Variants in ABCG2 observed in about 807,000 individuals in gnomAD.
ABCG2 encodes broad substrate specificity ATP-binding cassette transporter ABCG2.
A neutral mutation model predicts 73.5 loss-of-function variants in ABCG2; 80 were observed. That is an observed-to-expected ratio of 1.09 (90% confidence interval 0.91 to 1.31). The LOEUF (loss-of-function observed/expected upper bound fraction) is 1.31, where lower values mean the gene tolerates loss of function less well. ABCG2 is among the 50% of genes most tolerant of loss of function. The pLI is 0.00. For missense variants in ABCG2, 796 were observed against 786.2 expected, an observed-to-expected ratio of 1.01 and a Z score of -0.15; for synonymous variants, 269 against 282.4, an observed-to-expected ratio of 0.95 and a Z score of 0.48.
chr4:88,168,540 T>A (rs1727630638), intron 1 of ABCG2, among the ~76,000 whole-genome samples: 1 of 151,718 alleles, frequency 6.6e-6, no homozygotes, highest in Non-Finnish European at 1.5e-5. Flanking sequence ...AAAGTTCACT[T>A]CTAAAAATTA....
At chr4:88,140,118 A>G in intron 1 of ABCG2, 104 bp from the exon 2 acceptor site, 1 of 925,148 alleles carries the variant, frequency 1.1e-6, no homozygotes. Flanking sequence ...ATGTGCGGCA[A>G]TGAGCAGCTT....
chr4:88,101,148 G>A, intron 11 of ABCG2, 82 bp downstream of exon 11: 1 of 1,167,862 alleles, frequency 8.6e-7, no homozygotes, highest in Non-Finnish European at 1.3e-6. Flanking sequence ...TCCCATCCTT[G>A]GCCCCAACCC....
chr4:88,153,006 A>C (rs1560719585), intron 1 of ABCG2, among the ~76,000 whole-genome samples: 2 of 152,174 alleles, frequency 1.3e-5, no homozygotes, highest in Non-Finnish European at 2.9e-5. Context: ...GAATTGAAAA[A>C]AGAACGGAAT....
intron 12 of ABCG2, among the ~76,000 whole-genome samples, chr4:88,098,681 T>TAGATAGATAGATAGATAGATAGAC (rs1331258340): frequency 6.6e-6 from 1 of 151,602 alleles, no homozygotes; most frequent in East Asian, 1.9e-4. Context: ...GATAGATAGA[T>TAGATAGATAGATAGATAGATAGAC]AGATAGACAG....
At chr4:88,121,476 T>C (rs1406845979) in intron 6 of ABCG2, among the ~76,000 whole-genome samples, 159 bp downstream of exon 6, 1 of 152,216 alleles carries the variant, frequency 6.6e-6, no homozygotes, top group Non-Finnish European at 1.5e-5. Flanking sequence ...TTACCTGCTT[T>C]GTTTTTCTTG....
intron 1 of ABCG2, among the ~76,000 whole-genome samples, chr4:88,203,140 A>G (rs912392544): frequency 1.1e-4 from 17 of 152,228 alleles, no homozygotes; most frequent in Non-Finnish European, 1.6e-4. Context: ...CTTAAAACCA[A>G]TAAAGCATTG....
intron 10 of ABCG2, among the ~76,000 whole-genome samples, chr4:88,102,081 A>G (rs886604065): frequency 1.4e-4 from 22 of 152,334 alleles, no homozygotes; most frequent in African/African-American, 5.3e-4. Flanking sequence ...GGAACCTTCA[A>G]TCAACCCCTT....
intron 1 of ABCG2, among the ~76,000 whole-genome samples, chr4:88,181,062 G>C (rs1728213022): frequency 6.6e-6 from 1 of 152,070 alleles, no homozygotes. Flanking sequence ...TTTTCTCTTT[G>C]CTTGTTAGTT....
At chr4:88,169,280 A>G (rs28692745) in intron 1 of ABCG2, among the ~76,000 whole-genome samples, 87,861 of 151,820 alleles carry the variant, frequency 0.58, 26,105 homozygotes, top group African/African-American at 0.69. Flanking sequence ...TCCTGACCTC[A>G]TGATCCACCC....
rs148993388 is a variant in ABCG2, at chr4:88,178,479, G to C, written c.-19-38465C>G. ...ACTTGCTGGCTTAAGCTGTGACTCAGCACATTCCTAGCTGTGGTGGCTATG... is the reference window on the plus strand; with the variant it reads ...ACTTGCTGGCTTAAGCTGTGACTCACCACATTCCTAGCTGTGGTGGCTATG... On this transcript the variant is annotated intron_variant, in intron 1 of 15. Coordinates refer to the ABCG2 transcript ENST00000515655. 1.4e-3 allele frequency among the ~76,000 whole-genome samples: 210 copies of C among 152,242 alleles called. 1 individual carries two copies. Among genetic ancestry groups the C allele is most frequent in the African/African-American group, 4.8e-3 (201 of 41,548 alleles).
intron 13 of ABCG2, 56 bp downstream of exon 13, chr4:88,097,397 G>A: frequency 6.3e-7 from 1 of 1,588,756 alleles, no homozygotes; most frequent in Non-Finnish European, 8.6e-7. Flanking sequence ...GAATGTGCAG[G>A]AAGAAATGAA....
chr4:88,111,171 T>C (rs536181156), intron 9 of ABCG2, among the ~76,000 whole-genome samples: 158 of 152,352 alleles, frequency 1.0e-3, no homozygotes, highest in Admixed American at 3.3e-3. Context: ...AACCATTTTT[T>C]GAAGCAAGAT....
Position 88,214,198 on chromosome 4 carries a change from G to C in ABCG2, c.-20+16796C>G, listed in dbSNP as rs78274508. On this transcript the variant is annotated intron_variant, in intron 1 of 15. Coordinates refer to the ABCG2 transcript ENST00000515655. ...AGACAAGGTCTTGCTATGTTGCCCA[G>C]GCTGGTCTCAAACTCGGGCTCCAGC... Among the ~76,000 whole-genome samples the C allele has an allele frequency of 7.6e-3, 1,146 of 151,324 alleles. 14 individuals carry two copies. The highest frequency in any genetic ancestry group is 0.026 in the African/African-American group (1,083 of 41,220).
At chr4:88,125,607 C>CAAAAAAAAAAAAAAA (rs70957302) in intron 5 of ABCG2, among the ~76,000 whole-genome samples, 3 of 34,978 alleles carry the variant, frequency 8.6e-5, no homozygotes, top group African/African-American at 2.1e-4. Context: ...GACTCTGTCT[C>CAAAAAAAAAAAAAAA]AAAAAAAAAA....
At chr4:88,117,158 T>C (rs541899639) in intron 7 of ABCG2, among the ~76,000 whole-genome samples, 122 of 152,020 alleles carry the variant, frequency 8.0e-4, no homozygotes, top group African/African-American at 2.8e-3. Context: ...ACCCCGACTC[T>C]ACAAAAAATA....
chr4:88,205,193 C>T (rs1173824397), intron 1 of ABCG2, among the ~76,000 whole-genome samples: 1 of 152,226 alleles, frequency 6.6e-6, no homozygotes, highest in Non-Finnish European at 1.5e-5. Flanking sequence ...GAGAACTTCA[C>T]AGTGTGGTGA....
intron 1 of ABCG2, among the ~76,000 whole-genome samples, chr4:88,218,934 T>C (rs980632873): frequency 1.3e-5 from 2 of 152,204 alleles, no homozygotes; most frequent in South Asian, 4.1e-4. Context: ...ATATTGGCAT[T>C]GTAGCACCAA....
chr4:88,211,352 AC>A (rs1729581216), intron 1 of ABCG2, among the ~76,000 whole-genome samples: 1 of 44,266 alleles, frequency 2.3e-5, no homozygotes, highest in African/African-American at 6.1e-5. Flanking sequence ...TAATTGTTCA[AC>A]CCCTGCCCCA....
At chr4:88,166,024 A>G (rs1369157459) in intron 1 of ABCG2, among the ~76,000 whole-genome samples, 1 of 152,198 alleles carries the variant, frequency 6.6e-6, no homozygotes, top group Non-Finnish European at 1.5e-5. Flanking sequence ...GCTCACCACA[A>G]GGCCCCAAGG....
Sources: gnomAD v4.1 joint callset for allele counts (sites outside exome capture counted in the v4.1 genomes callset) on GRCh38, gnomAD v4.1.1 for gene constraint, MANE v1.5 for transcripts, NCBI Gene and HGNC (gene_info 2026-07-23, HGNC 2026-07-21) for gene names.